MTMR3: variants seen among roughly 807,000 people sequenced by gnomAD.
MTMR3 encodes phosphatidylinositol-3,5-bisphosphate 3-phosphatase MTMR3.
MTMR3 carries 32 observed loss-of-function variants against 132.4 expected under a neutral mutation model. That is an observed-to-expected ratio of 0.24 (90% CI 0.18 to 0.32). The LOEUF (loss-of-function observed/expected upper bound fraction) is 0.32, where lower values mean the gene tolerates loss of function less well. MTMR3 is among the 10% of genes least tolerant of loss of function. The pLI is 1.00. For missense variants in MTMR3, 1,216 were observed against 1,489.6 expected, an observed-to-expected ratio of 0.82 and a Z score of 3.02; for synonymous variants, 556 against 550.3, an observed-to-expected ratio of 1.01 and a Z score of -0.14.
intron 1 of MTMR3, among the ~76,000 whole-genome samples, chr22:29,953,746 G>A (rs917155991): frequency 6.6e-6 from 1 of 152,156 alleles, no homozygotes; most frequent in Non-Finnish European, 1.5e-5. Context: ...CCAGAAAGGT[G>A]TATTTATTTA....
At position 30,019,975 on chromosome 22, in the gene MTMR3, C is replaced by T; in HGVS notation, c.2316C>T (p.Leu772=). 2 of 1,614,174 alleles carry T rather than the reference C, an allele frequency of 1.2e-6. No homozygotes were observed. Among genetic ancestry groups the T allele is most frequent in the Non-Finnish European group, 1.7e-6 (2 of 1,180,026 alleles). The change falls in exon 17 of 20, where the codon CTC becomes CTT. Residue 772 remains leucine, a synonymous_variant. Coordinates refer to ENST00000401950, the MANE Select transcript of MTMR3 (RefSeq NM_021090.4). ...GCATTTCTGAACAGCAGAGTGGGCTCAGTGTTCTCCTCAGTTCTCTCCAGG... is the reference window on the plus strand; with the variant it reads ...GCATTTCTGAACAGCAGAGTGGGCTTAGTGTTCTCCTCAGTTCTCTCCAGG... ...SQGISEQQSG[L]SVLLSSLQVP...
intron 3 of MTMR3, among the ~76,000 whole-genome samples, chr22:29,971,968 T>C (rs1294371791): frequency 6.6e-6 from 1 of 152,228 alleles, no homozygotes; most frequent in African/African-American, 2.4e-5. Flanking sequence ...ATTAGGGACG[T>C]ATGGAAAATG....
chr22:29,963,681 C>G (rs1320322582), intron 2 of MTMR3, among the ~76,000 whole-genome samples: 2 of 152,036 alleles, frequency 1.3e-5, no homozygotes, highest in Non-Finnish European at 2.9e-5. Context: ...CCACTGTGCC[C>G]AGCCCACTTA....
At chr22:29,896,623 T>C (rs140297439) in intron 1 of MTMR3, among the ~76,000 whole-genome samples, 22 of 152,088 alleles carry the variant, frequency 1.4e-4, no homozygotes, top group East Asian at 3.8e-4. Flanking sequence ...AGAAAATCAC[T>C]TGAATTTGCT....
At chr22:29,945,244 G>T (rs1441117057) in intron 1 of MTMR3, among the ~76,000 whole-genome samples, 1 of 152,134 alleles carries the variant, frequency 6.6e-6, no homozygotes, top group Non-Finnish European at 1.5e-5. Context: ...GGCTCCAGCA[G>T]TTCTCCTGCC....
chr22:29,958,474 C>T (rs1330379628), intron 2 of MTMR3, among the ~76,000 whole-genome samples: 1 of 152,154 alleles, frequency 6.6e-6, no homozygotes, highest in Non-Finnish European at 1.5e-5. Context: ...AAGTTCATCT[C>T]TTGTAGCCAC....
chr22:29,918,100 A>G (rs998165345), intron 1 of MTMR3, among the ~76,000 whole-genome samples: 2 of 152,164 alleles, frequency 1.3e-5, no homozygotes, highest in African/African-American at 4.8e-5. Context: ...TGGTTGCCTC[A>G]TATTGCTAAT....
chr22:30,028,916 G>A lies in MTMR3; in HGVS notation c.*3115G>A, dbSNP rs41281627. On this transcript the variant is annotated 3_prime_UTR_variant, in exon 20 of 20. Transcript: ENST00000401950. ...TCATATGAAGTTGTGAAAACCATGA[G>A]TGTGTGCCATGGCCATCGTGTCTAC... The A allele has an allele frequency of 2.0e-5, 3 of 152,380 alleles. No homozygotes were observed. Among genetic ancestry groups the A allele is most frequent in the Non-Finnish European group, 4.4e-5 (3 of 68,046 alleles). The allele number at this position is 152,380 out of a possible 1,614,324, so 9.4% of individuals were successfully genotyped here.
At chr22:29,968,690 C>A (rs1247650328) in intron 2 of MTMR3, among the ~76,000 whole-genome samples, 1 of 152,188 alleles carries the variant, frequency 6.6e-6, no homozygotes, top group Non-Finnish European at 1.5e-5. Flanking sequence ...GAAAGACCAA[C>A]AATAAAATCA....
At chr22:29,924,539 C>T (rs949763208) in intron 1 of MTMR3, among the ~76,000 whole-genome samples, 4 of 152,176 alleles carry the variant, frequency 2.6e-5, no homozygotes, top group African/African-American at 4.8e-5. Flanking sequence ...TTTGGCTATT[C>T]GGGGTTCTTT....
chr22:30,016,802 T>C lies in MTMR3; in HGVS notation c.1674+104T>C, dbSNP rs577168652. On this transcript the variant is annotated intron_variant, in intron 15 of 19. Transcript: ENST00000401950. ...GTGACTGTTTTTGTGAAGACATCTCTACTGTCTCTGGATGGACTGGTTCCA... is the reference window on the plus strand; with the variant it reads ...GTGACTGTTTTTGTGAAGACATCTCCACTGTCTCTGGATGGACTGGTTCCA... 64 of 1,288,724 alleles carry C rather than the reference T, an allele frequency of 5.0e-5. No individual in the cohort carries two copies. The African/African-American group carries it at 8.9e-4, about 18-fold the overall frequency. The allele number at this position is 1,288,724 out of a possible 1,614,324, so 79.8% of individuals were successfully genotyped here. A position where few individuals can be genotyped will look rare whatever the true frequency, so the allele number is the denominator to read the frequency against.
chr22:30,002,998 G>A lies in MTMR3; in HGVS notation c.671+5G>A, dbSNP rs757762178. On this transcript the variant is annotated splice_donor_5th_base_variant and intron_variant, in intron 9 of 19. Transcript: ENST00000401950. ...CATCCCTGCCGTCATCTACAGGTAAGTTAAACTGGACCAGTCCCAGCTTGG... is the reference window on the plus strand; with the variant it reads ...CATCCCTGCCGTCATCTACAGGTAAATTAAACTGGACCAGTCCCAGCTTGG... The A allele has an allele frequency of 6.2e-7, 1 of 1,610,770 alleles. No homozygotes were observed. The highest frequency in any genetic ancestry group is 2.2e-5 in the East Asian group (1 of 44,880).
intron 2 of MTMR3, among the ~76,000 whole-genome samples, chr22:29,957,981 A>G (rs1449251029): frequency 6.6e-6 from 1 of 150,784 alleles, no homozygotes; most frequent in African/African-American, 2.4e-5. Flanking sequence ...GTACATACGT[A>G]GAGGAAAAAC....
At chr22:30,023,604 C>T in intron 19 of MTMR3, 1 of 1,247,732 alleles carries the variant, frequency 8.0e-7, no homozygotes, top group African/African-American at 1.5e-5. Context: ...CTTGGGTGCA[C>T]AGGCAGATAG....
chr22:29,986,640 G>A, intron 5 of MTMR3: 1 of 951,972 alleles, frequency 1.1e-6, no homozygotes, highest in Non-Finnish European at 1.2e-6. Context: ...TCAGAACACA[G>A]GCAAGATTTT....
At chr22:29,986,669 T>TC in intron 5 of MTMR3, 15 of 866,972 alleles carry the variant, frequency 1.7e-5, no homozygotes, top group Non-Finnish European at 2.1e-5. Flanking sequence ...CTTTTCTTTT[T>TC]TTTTTGTTTT....
At chr22:29,925,585 G>A (rs1054967684) in intron 1 of MTMR3, among the ~76,000 whole-genome samples, 4 of 151,242 alleles carry the variant, frequency 2.6e-5, no homozygotes, top group African/African-American at 9.7e-5. Context: ...GCTTTGTTGA[G>A]CTGTAATTCA....
rs558022254 is a variant in MTMR3 at position 29,999,038 on chromosome 22, G to A, written c.557+181G>A. On this transcript the variant is annotated intron_variant, in intron 8 of 19. Transcript: ENST00000401950. Reference sequence around the variant, plus strand: ...TTCTGTTCCCGTTGCTATCATTGGAGTGGAAAGTGATCCTTACTTAACAGG... The same window carrying A: ...TTCTGTTCCCGTTGCTATCATTGGAATGGAAAGTGATCCTTACTTAACAGG... 4.6e-5 allele frequency: 20 copies of A among 430,818 alleles called. 1 individual carries two copies. The South Asian group carries it at 6.6e-4, about 14-fold the overall frequency. The allele number at this position is 430,818 out of a possible 1,614,324, so 26.7% of individuals were successfully genotyped here. A position where few individuals can be genotyped will look rare whatever the true frequency, so the allele number is the denominator to read the frequency against.
chr22:30,020,106 C>T lies in MTMR3; in HGVS notation c.2447C>T (p.Ala816Val), dbSNP rs769941787. The T allele has an allele frequency of 6.2e-7, 1 of 1,614,178 alleles. No homozygotes were observed. The highest frequency in any genetic ancestry group is 1.3e-5 in the African/African-American group (1 of 75,044). ...EEAVLPIPVD[A>V]KVGYGTSQSC... is the part of the protein sequence containing the mutation. Reference sequence around the variant, plus strand: ...GCAGTTCTTCCAATCCCAGTAGATGCAAAAGTTGGCTATGGTACCTCACAG... The same window carrying T: ...GCAGTTCTTCCAATCCCAGTAGATGTAAAAGTTGGCTATGGTACCTCACAG... The change falls in exon 17 of 20, where the codon GCA becomes GTA. Residue 816 changes from alanine to valine, a missense_variant. Around this residue, in one of 7 missense-constraint regions of MTMR3, gnomAD observed 852 missense variants for 852.0 expected, o/e 1.00. Transcript: ENST00000401950.
Sources: allele counts gnomAD v4.1 joint callset (sites outside exome capture counted in the v4.1 genomes callset), GRCh38; gene constraint gnomAD v4.1.1; regional missense constraint gnomAD v4.1.1; transcripts MANE v1.5; gene names NCBI Gene and HGNC (gene_info 2026-07-23, HGNC 2026-07-21).